The following CDH18 variants were observed in gnomAD, a reference collection of about 807,000 sequenced individuals.
CDH18 encodes the protein cadherin-18.
Under a neutral mutation model 67.9 loss-of-function variants are expected in CDH18, and 31 were observed. That is an observed-to-expected ratio of 0.46 (90% CI 0.34 to 0.62). The LOEUF (loss-of-function observed/expected upper bound fraction) is 0.62, where lower values mean the gene tolerates loss of function less well. Among genes scored for constraint, CDH18 ranks in the 20% least tolerant of loss-of-function variants. The probability of loss-of-function intolerance (pLI) is 0.01; values close to 1 mark genes in which losing one functional copy is unlikely to be tolerated. For missense variants in CDH18, 890 were observed against 975.5 expected, an observed-to-expected ratio of 0.91 and a Z score of 1.17; for synonymous variants, 362 against 347.2, an observed-to-expected ratio of 1.04 and a Z score of -0.48.
chr5:19,735,604 C>T (rs1443938826), intron 4 of CDH18, among the ~76,000 whole-genome samples: 2 of 152,036 alleles, frequency 1.3e-5, no homozygotes, highest in Non-Finnish European at 2.9e-5. Context: ...ACCATGTTAG[C>T]CAGGATGGTC....
intron 6 of CDH18, among the ~76,000 whole-genome samples, chr5:19,597,291 G>T (rs563871804): frequency 8.9e-4 from 135 of 152,236 alleles, no homozygotes; most frequent in African/African-American, 3.1e-3. Context: ...ATGAACCAAA[G>T]GCACTCATCT....
Position 19,475,192 on chromosome 5 carries a change from G to GCACACACACA in CDH18, c.1883-1486_1883-1477dup, listed in dbSNP as rs34517461. 7.1e-3 allele frequency among the ~76,000 whole-genome samples: 1,039 copies of GCACACACACA among 146,310 alleles called. 9 individuals are homozygous for GCACACACACA. The highest frequency in any genetic ancestry group is 0.018 in the East Asian group (92 of 4,980). On this transcript the variant is annotated intron_variant, in intron 12 of 12. Coordinates refer to ENST00000382275, the MANE Select transcript of CDH18 (RefSeq NM_004934.5). ...AAACGTGAATTTGAGATCAATAACA[G>GCACACACACA]CACACACACACACACACACACACAC...
At chr5:20,087,045 A>G (rs867244115) in intron 2 of CDH18, among the ~76,000 whole-genome samples, 13 of 152,212 alleles carry the variant, frequency 8.5e-5, no homozygotes, top group Non-Finnish European at 1.3e-4. Context: ...CCATTAAAAT[A>G]TTCATAATTA....
intron 1 of CDH18, among the ~76,000 whole-genome samples, chr5:20,459,826 A>G (rs1216787407): frequency 1.3e-5 from 2 of 152,178 alleles, no homozygotes; most frequent in African/African-American, 2.4e-5. Context: ...TCCAAGACAC[A>G]CTACCTAATT....
intron 2 of CDH18, among the ~76,000 whole-genome samples, chr5:19,863,938 A>G (rs1032725669): frequency 5.9e-5 from 9 of 152,138 alleles, no homozygotes; most frequent in African/African-American, 2.2e-4. Flanking sequence ...TGGGACTGTA[A>G]ACTAGTTCAA....
At chr5:19,961,895 T>TG (rs1280784979) in intron 2 of CDH18, among the ~76,000 whole-genome samples, 1 of 151,884 alleles carries the variant, frequency 6.6e-6, no homozygotes, top group African/African-American at 2.4e-5. Flanking sequence ...TTACCTTTTA[T>TG]TTTTTTTACT....
At chr5:19,554,784 T>C (rs1245616002) in intron 8 of CDH18, among the ~76,000 whole-genome samples, 1 of 152,090 alleles carries the variant, frequency 6.6e-6, no homozygotes, top group Non-Finnish European at 1.5e-5. Context: ...ATGGAAGATT[T>C]TTAGAGGTCT....
chr5:19,644,096 G>C (rs149266879), intron 5 of CDH18, among the ~76,000 whole-genome samples: 21 of 152,198 alleles, frequency 1.4e-4, no homozygotes, highest in African/African-American at 5.1e-4. Flanking sequence ...TTGAGCAAGA[G>C]ATTTTTAGCT....
chr5:19,887,418 T>C (rs1029996615), intron 2 of CDH18, among the ~76,000 whole-genome samples: 1 of 152,128 alleles, frequency 6.6e-6, no homozygotes, highest in Non-Finnish European at 1.5e-5. Flanking sequence ...TTTTGATGAA[T>C]AGATTTTTAA....
intron 2 of CDH18, among the ~76,000 whole-genome samples, chr5:20,009,790 G>A (rs1036324634): frequency 6.6e-6 from 1 of 152,092 alleles, no homozygotes; most frequent in African/African-American, 2.4e-5. Context: ...CCCATTTATA[G>A]ATGAATAATG....
At chr5:20,277,303 CAGAG>C (rs779937791) in intron 1 of CDH18, among the ~76,000 whole-genome samples, 1 of 151,950 alleles carries the variant, frequency 6.6e-6, no homozygotes, top group African/African-American at 2.4e-5. Flanking sequence ...CAACTCAGCA[CAGAG>C]AGAGAGACTC....
intron 1 of CDH18, among the ~76,000 whole-genome samples, chr5:20,487,788 T>C (rs976819604): frequency 4.0e-5 from 6 of 151,788 alleles, no homozygotes; most frequent in Non-Finnish European, 8.8e-5. Context: ...ATATACTATT[T>C]AATAGTATTA....
chr5:19,526,013 C>T (rs1246091683), intron 9 of CDH18, among the ~76,000 whole-genome samples: 1 of 152,040 alleles, frequency 6.6e-6, no homozygotes, highest in Admixed American at 6.5e-5. Context: ...ATCATGCAAA[C>T]ATAAATATAA....
chr5:20,551,611 G>A (rs1410564763), intron 1 of CDH18, among the ~76,000 whole-genome samples: 1 of 152,130 alleles, frequency 6.6e-6, no homozygotes, highest in Non-Finnish European at 1.5e-5. Context: ...CTCTACAGCT[G>A]ATCTCTGTTA....
At chr5:19,502,629 G>A (rs1743443755) in intron 11 of CDH18, 2 of 417,834 alleles carry the variant, frequency 4.8e-6, no homozygotes, top group Admixed American at 4.1e-5. Context: ...ATTTCCTTTA[G>A]TAACTGTCTC....
intron 5 of CDH18, among the ~76,000 whole-genome samples, chr5:19,643,044 C>T (rs1754249403): frequency 6.6e-6 from 1 of 151,960 alleles, no homozygotes; most frequent in Admixed American, 6.6e-5. Flanking sequence ...GCAGACATTT[C>T]TCAAAAGAAG....
intron 1 of CDH18, among the ~76,000 whole-genome samples, chr5:20,353,414 C>A (rs949240014): frequency 1.3e-5 from 2 of 152,152 alleles, no homozygotes; most frequent in African/African-American, 4.8e-5. Context: ...AATTAAAATA[C>A]ATTAATGAAT....
At chr5:20,254,477 T>C (rs1032000677) in intron 2 of CDH18, among the ~76,000 whole-genome samples, 13 of 152,136 alleles carry the variant, frequency 8.5e-5, no homozygotes, top group African/African-American at 3.1e-4. Context: ...ACTAACTTCA[T>C]AGGTGCAGAA....
rs1745199014 is a variant in CDH18 at position 19,591,882 on chromosome 5, CAG to C, written c.812-640_812-639del. ...TATTAAAATTTTTAAAAATCGATTA[CAG>C]AGTTGAAGCATGAGAAAGTAAATAG... is the stretch of plus-strand genomic sequence containing the variant. On this transcript the variant is annotated intron_variant, in intron 6 of 12. Coordinates refer to ENST00000382275, the MANE Select transcript of CDH18 (RefSeq NM_004934.5). Among the ~76,000 whole-genome samples, 2 of 151,834 alleles carry C rather than the reference CAG, an allele frequency of 1.3e-5. 1 individual carries two copies. Among genetic ancestry groups the C allele is most frequent in the South Asian group, 4.2e-4 (2 of 4,816 alleles).
Sources: gnomAD v4.1 joint callset for allele counts (sites outside exome capture counted in the v4.1 genomes callset) on GRCh38, gnomAD v4.1.1 for gene constraint, MANE v1.5 for transcripts, NCBI Gene and HGNC (gene_info 2026-07-23, HGNC 2026-07-21) for gene names.